Variants in LIPA observed in about 807,000 individuals in gnomAD.
LIPA encodes the protein lysosomal acid lipase/cholesteryl ester hydrolase.
LIPA carries 26 observed loss-of-function variants against 40.6 expected under a neutral mutation model. That is an observed-to-expected ratio of 0.64 (90% CI 0.47 to 0.89). LIPA has a LOEUF of 0.89. LIPA is among the 40% of genes least tolerant of loss of function. LIPA has a pLI of 0.00. For synonymous variants in LIPA, 188 were observed against 168.4 expected, an observed-to-expected ratio of 1.12 and a Z score of -0.90; for missense variants, 455 against 479.6, an observed-to-expected ratio of 0.95 and a Z score of 0.48.
At chr10:89,250,705 G>C (rs1385252000) in intron 1 of LIPA, among the ~76,000 whole-genome samples, 1 of 152,214 alleles carries the variant, frequency 6.6e-6, no homozygotes, top group African/African-American at 2.4e-5. Context: ...AGGTCCATGA[G>C]AGTAACAGCT....
In LIPA at chr10:89,273,191, C is replaced by CTT. The variant is rs11381651; in HGVS notation, c.-1-25544_-1-25543dup. On this transcript the variant is annotated intron_variant, in intron 1 of 5. Coordinates refer to the LIPA transcript ENST00000282673. ...ATAAGGAATTCCTTTCTATTTTTCTCTTTGTTTTTTGTAAAAGAAATTAAC... is the reference window on the plus strand; with the variant it reads ...ATAAGGAATTCCTTTCTATTTTTCTCTTTTTGTTTTTTGTAAAAGAAATTAAC... Among the ~76,000 whole-genome samples, 281 of 151,152 alleles carry CTT rather than the reference C, an allele frequency of 1.9e-3. 7 individuals carry two copies. The South Asian group carries it at 0.05, about 27-fold the overall frequency.
intron 2 of LIPA, chr10:89,403,902 AAG>A (rs577220625): frequency 2.0e-5 from 10 of 505,618 alleles, no homozygotes; most frequent in Non-Finnish European, 3.1e-5. Context: ...GCATGTAAGA[AAG>A]AGAAATCATT....
intron 2 of LIPA, among the ~76,000 whole-genome samples, chr10:89,386,980 A>T (rs1844214895): frequency 6.9e-6 from 1 of 145,152 alleles, no homozygotes; most frequent in African/African-American, 2.8e-5. Flanking sequence ...TGTGAGAGAG[A>T]GAGAGAGTGT....
intron 1 of LIPA, among the ~76,000 whole-genome samples, chr10:89,326,948 C>T (rs761442628): frequency 4.6e-5 from 7 of 152,190 alleles, no homozygotes; most frequent in Non-Finnish European, 8.8e-5. Flanking sequence ...TTTAGGGAGA[C>T]ATAAGGCATC....
At chr10:89,383,984 C>T in intron 2 of LIPA, 1 of 1,614,140 alleles carries the variant, frequency 6.2e-7, no homozygotes, top group Non-Finnish European at 8.5e-7. Context: ...GTTCTCCTTG[C>T]CCTGAAGCTT....
chr10:89,243,798 G>A (rs1842991812), intron 3 of LIPA, among the ~76,000 whole-genome samples: 1 of 152,222 alleles, frequency 6.6e-6, no homozygotes, highest in African/African-American at 2.4e-5. Flanking sequence ...TTTAACCACT[G>A]TATGGAGAGA....
intron 1 of LIPA, among the ~76,000 whole-genome samples, chr10:89,334,434 C>G (rs944087718): frequency 2.0e-5 from 3 of 146,816 alleles, no homozygotes; most frequent in African/African-American, 7.5e-5. Flanking sequence ...CCCCAAGTTT[C>G]ACCTGAACCT....
intron 5 of LIPA, 44 bp downstream of exon 5, chr10:89,226,851 A>G (rs1341841657): frequency 8.9e-7 from 1 of 1,122,668 alleles, no homozygotes; most frequent in South Asian, 1.2e-5. Flanking sequence ...CAAACTCTGT[A>G]ATGAAGAATT....
intron 1 of LIPA, among the ~76,000 whole-genome samples, chr10:89,331,568 G>T (rs1478274573): frequency 6.6e-6 from 1 of 152,106 alleles, no homozygotes; most frequent in Non-Finnish European, 1.5e-5. Flanking sequence ...CTTTTGTAAA[G>T]AGGTAACATG....
intron 2 of LIPA, among the ~76,000 whole-genome samples, chr10:89,393,775 G>C (rs1376529770): frequency 6.6e-6 from 1 of 152,164 alleles, no homozygotes; most frequent in Non-Finnish European, 1.5e-5. Context: ...ATACTGATTT[G>C]TAAATTTTCC....
At chr10:89,354,607 G>A (rs1027367111) in intron 2 of LIPA, among the ~76,000 whole-genome samples, 18 of 152,090 alleles carry the variant, frequency 1.2e-4, no homozygotes, top group East Asian at 1.9e-4. Flanking sequence ...TGACTGTGTC[G>A]CCCAAGTTGG....
chr10:89,247,409 AAAT>A, intron 2 of LIPA, 126 bp downstream of exon 2: 3 of 570,342 alleles, frequency 5.3e-6, no homozygotes, highest in Non-Finnish European at 9.2e-6. Context: ...AAAAAAAAAA[AAAT>A]TCAGAGAAAT....
At chr10:89,328,076 G>C (rs778735937) in intron 1 of LIPA, 29 of 1,613,856 alleles carry the variant, frequency 1.8e-5, no homozygotes, top group Non-Finnish European at 2.4e-5. Context: ...GGGCAGTCAT[G>C]AGGTCAGTGA....
At chr10:89,341,179 G>C (rs949386846) in intron 1 of LIPA, among the ~76,000 whole-genome samples, 1 of 152,144 alleles carries the variant, frequency 6.6e-6, no homozygotes, top group Non-Finnish European at 1.5e-5. Context: ...TCCAGCCTAG[G>C]AGCCCCAACT....
intron 1 of LIPA, among the ~76,000 whole-genome samples, chr10:89,248,974 C>T (rs1229933381): frequency 6.6e-6 from 1 of 152,184 alleles, no homozygotes; most frequent in Non-Finnish European, 1.5e-5. Flanking sequence ...TCTGAGCTTG[C>T]TTATTTCCCA....
At chr10:89,280,581 G>A (rs1193566075) in intron 1 of LIPA, among the ~76,000 whole-genome samples, 1 of 152,178 alleles carries the variant, frequency 6.6e-6, no homozygotes, top group Non-Finnish European at 1.5e-5. Context: ...ATTTTAAGTT[G>A]GTCCCAGCTT....
intron 9 of LIPA, 80 bp from the exon 10 acceptor site, chr10:89,215,141 T>C (rs905636839): frequency 3.9e-6 from 4 of 1,023,086 alleles, no homozygotes; most frequent in Non-Finnish European, 6.2e-6. Flanking sequence ...GCAATCTCCA[T>C]TAAACATTGT....
rs1842777648 is a variant in LIPA, at chr10:89,226,953, C to T, written c.480G>A (p.Leu160=). ...ACACTTGTTCTTGGCCAGTTTTATT[C>T]AGAATGAAGTTAATGGAAGCTGGTA... is the stretch of plus-strand genomic sequence containing the variant. ...YDLPASINFI[L]NKTGQEQVYY... The change falls in exon 5 of 10, where the codon CTG becomes CTA. Residue 160 remains leucine (L), a synonymous_variant. Transcript: ENST00000336233. 1 of 1,613,576 alleles carries T rather than the reference C, an allele frequency of 6.2e-7. No homozygotes were observed. The highest frequency in any genetic ancestry group is 8.5e-7 in the Non-Finnish European group (1 of 1,179,680).
chr10:89,223,264 A>C (rs575365544), intron 7 of LIPA, among the ~76,000 whole-genome samples: 2 of 146,194 alleles, frequency 1.4e-5, no homozygotes, highest in East Asian at 4.0e-4. Context: ...TGATCCCATA[A>C]CCACAGTACT....
Sources: allele counts gnomAD v4.1 joint callset (sites outside exome capture counted in the v4.1 genomes callset), GRCh38; gene constraint gnomAD v4.1.1; transcripts MANE v1.5; gene names NCBI Gene and HGNC (gene_info 2026-07-23, HGNC 2026-07-21).